Variants in SEMA5A observed in about 807,000 individuals in gnomAD.
SEMA5A encodes semaphorin 5A, also known as semaphorin-5A.
A neutral mutation model predicts 135.5 loss-of-function variants in SEMA5A; 55 were observed. That is an observed-to-expected ratio of 0.41 (90% CI 0.33 to 0.51). The LOEUF (loss-of-function observed/expected upper bound fraction) is 0.51, where lower values mean the gene tolerates loss of function less well. Among genes scored for constraint, SEMA5A ranks in the 20% least tolerant of loss-of-function variants. The pLI is 0.37. For missense variants in SEMA5A, 1,290 were observed against 1,419.9 expected (o/e 0.91, Z 1.47); for synonymous variants, 580 against 546.5 (o/e 1.06, Z -0.85).
chr5:9,120,832 G>T (rs1189121226), intron 14 of SEMA5A, among the ~76,000 whole-genome samples: 2 of 151,126 alleles, frequency 1.3e-5, no homozygotes, highest in Non-Finnish European at 2.9e-5. Flanking sequence ...AGGCTGGAGT[G>T]TAGTGGCTCT....
intron 1 of SEMA5A, among the ~76,000 whole-genome samples, chr5:9,541,250 T>C (rs1289225780): frequency 1.3e-5 from 2 of 152,230 alleles, no homozygotes; most frequent in Non-Finnish European, 2.9e-5. Flanking sequence ...TTATTTATCA[T>C]ACATATCTGT....
At chr5:9,058,038 C>G (rs1736987379) in intron 18 of SEMA5A, among the ~76,000 whole-genome samples, 1 of 152,038 alleles carries the variant, frequency 6.6e-6, no homozygotes, top group Non-Finnish European at 1.5e-5. Flanking sequence ...AGTTGCAGGG[C>G]CAAGAAAACA....
chr5:9,429,009 A>G (rs1178815310), intron 2 of SEMA5A, among the ~76,000 whole-genome samples: 1 of 152,258 alleles, frequency 6.6e-6, no homozygotes, highest in African/African-American at 2.4e-5. Flanking sequence ...AAATACTACA[A>G]TGAATCCTAC....
At chr5:9,351,451 T>C (rs1369452264) in intron 3 of SEMA5A, among the ~76,000 whole-genome samples, 2 of 150,666 alleles carry the variant, frequency 1.3e-5, no homozygotes, top group Non-Finnish European at 1.5e-5. Flanking sequence ...TTTCTTCACA[T>C]ATTTTATAGC....
At chr5:9,150,577 C>T (rs1221642945) in intron 12 of SEMA5A, among the ~76,000 whole-genome samples, 1 of 152,114 alleles carries the variant, frequency 6.6e-6, no homozygotes, top group African/African-American at 2.4e-5. Context: ...AAATAACTTT[C>T]TAAGGCAACA....
At chr5:9,081,134 A>G (rs984080506) in intron 16 of SEMA5A, among the ~76,000 whole-genome samples, 3 of 152,192 alleles carry the variant, frequency 2.0e-5, no homozygotes, top group Non-Finnish European at 4.4e-5. Flanking sequence ...TATAGCCAGC[A>G]GGAAATACAA....
intron 3 of SEMA5A, 87 bp from the exon 4 acceptor site, chr5:9,337,899 C>T (rs954197750): frequency 7.3e-5 from 64 of 881,508 alleles, no homozygotes; most frequent in Non-Finnish European, 9.8e-5. Context: ...AGGTAGCAGA[C>T]GTTACATTTC....
chr5:9,321,846 TCA>T (rs1248526950), intron 4 of SEMA5A, among the ~76,000 whole-genome samples: 1 of 152,232 alleles, frequency 6.6e-6, no homozygotes, highest in Admixed American at 6.5e-5. Flanking sequence ...TCTTGCTTAC[TCA>T]CACACATACA....
intron 16 of SEMA5A, among the ~76,000 whole-genome samples, chr5:9,067,032 C>T (rs893380389): frequency 2.0e-4 from 30 of 152,160 alleles, no homozygotes; most frequent in African/African-American, 7.0e-4. Context: ...GTAAACCTCA[C>T]AATATTCAGT....
intron 3 of SEMA5A, among the ~76,000 whole-genome samples, chr5:9,343,783 T>C (rs1753749185): frequency 6.6e-6 from 1 of 152,196 alleles, no homozygotes. Context: ...ACCAGTTTCC[T>C]TCCCTTTCCT....
At chr5:9,174,909 G>A (rs757601833) in intron 11 of SEMA5A, among the ~76,000 whole-genome samples, 3 of 152,180 alleles carry the variant, frequency 2.0e-5, no homozygotes, top group Admixed American at 6.5e-5. Flanking sequence ...CGTAAGAGAC[G>A]ACAGCTCTGT....
chr5:9,117,219 G>T (rs1049065701), intron 15 of SEMA5A, among the ~76,000 whole-genome samples: 1 of 152,152 alleles, frequency 6.6e-6, no homozygotes, highest in Non-Finnish European at 1.5e-5. Context: ...GGATGCAAAC[G>T]TACGCATATG....
chr5:9,159,850 C>T (rs961999909), intron 11 of SEMA5A, among the ~76,000 whole-genome samples: 10 of 152,202 alleles, frequency 6.6e-5, no homozygotes, highest in Non-Finnish European at 5.9e-5. Context: ...GGTACATATA[C>T]ACCATGGAAT....
At chr5:9,162,876 C>T (rs1377457088) in intron 11 of SEMA5A, among the ~76,000 whole-genome samples, 1 of 151,940 alleles carries the variant, frequency 6.6e-6, no homozygotes, top group African/African-American at 2.4e-5. Flanking sequence ...GACTACTGGG[C>T]CAGAGTTTAG....
intron 1 of SEMA5A, among the ~76,000 whole-genome samples, chr5:9,542,896 A>G (rs137920505): frequency 3.4e-4 from 52 of 152,342 alleles, no homozygotes; most frequent in African/African-American, 1.1e-3. Flanking sequence ...TCACTTGTCT[A>G]CATAATGCAA....
chr5:9,400,500 C>CCT (rs1176889691), intron 2 of SEMA5A, among the ~76,000 whole-genome samples: 1 of 85,412 alleles, frequency 1.2e-5, no homozygotes, highest in Non-Finnish European at 2.3e-5. Context: ...ACACAATGTA[C>CCT]ATTTTTTTTT....
intron 5 of SEMA5A, among the ~76,000 whole-genome samples, chr5:9,247,087 G>A (rs984115480): frequency 1.3e-5 from 2 of 152,132 alleles, no homozygotes; most frequent in African/African-American, 2.4e-5. Flanking sequence ...TGTAGAAAAC[G>A]ACGCCAGCAA....
At chr5:9,507,743 G>A (rs1484908020) in intron 1 of SEMA5A, among the ~76,000 whole-genome samples, 2 of 152,110 alleles carry the variant, frequency 1.3e-5, no homozygotes, top group East Asian at 1.9e-4. Flanking sequence ...GGTGTCTCTC[G>A]CCTGTAATCC....
intron 10 of SEMA5A, among the ~76,000 whole-genome samples, chr5:9,195,326 T>C (rs1453557978): frequency 6.6e-6 from 1 of 152,120 alleles, no homozygotes; most frequent in Non-Finnish European, 1.5e-5. Flanking sequence ...ACACCGTGCC[T>C]GGCTAATTTT....
Sources: gnomAD v4.1 joint callset for allele counts (sites outside exome capture counted in the v4.1 genomes callset) on GRCh38, gnomAD v4.1.1 for gene constraint, MANE v1.5 for transcripts, NCBI Gene and HGNC (gene_info 2026-07-23, HGNC 2026-07-21) for gene names.